ZMIZ1: variants seen among roughly 807,000 people sequenced by gnomAD.
The protein encoded by ZMIZ1 is zinc finger MIZ domain-containing protein 1.
A neutral mutation model predicts 113.9 loss-of-function variants in ZMIZ1; 17 were observed. The observed-to-expected ratio is 0.15, with a 90% CI of 0.10 to 0.22. The LOEUF (loss-of-function observed/expected upper bound fraction) is 0.22. Ranked by LOEUF, ZMIZ1 falls within the 10% of genes least tolerant of loss-of-function variation. The pLI, the probability that ZMIZ1 is intolerant of heterozygous loss-of-function variation, is 1.00. For missense variants in ZMIZ1, 1,059 were observed against 1,477.8 expected (o/e 0.72, Z 4.65); for synonymous variants, 607 against 603.1 (o/e 1.01, Z -0.09).
At chr10:79,269,195 T>A (rs780553500) in intron 7 of ZMIZ1, among the ~76,000 whole-genome samples, 48 of 152,138 alleles carry the variant, frequency 3.2e-4, no homozygotes, top group Non-Finnish European at 6.2e-4. Context: ...CCACTCTCAC[T>A]GCTGCTGCTA....
At chr10:79,310,822 G>C in intron 23 of ZMIZ1, 102 bp from the exon 24 acceptor site, 1 of 1,365,694 alleles carries the variant, frequency 7.3e-7, no homozygotes, top group Non-Finnish European at 9.9e-7. Context: ...CGTTTCGGGG[G>C]TTGTGACTTC....
chr10:79,281,123 C>T (rs1852714815), intron 8 of ZMIZ1, among the ~76,000 whole-genome samples: 1 of 152,212 alleles, frequency 6.6e-6, no homozygotes. Context: ...TTGTTCAGGT[C>T]ACAGAGTGCC....
chr10:79,187,534 C>T lies in ZMIZ1; in HGVS notation c.-49-14050C>T, dbSNP rs140815555. Among the ~76,000 whole-genome samples, 50 of 152,276 alleles carry T rather than the reference C, an allele frequency of 3.3e-4. No homozygotes were observed. The East Asian group carries it at 4.1e-3, about 12-fold the overall frequency. On this transcript the variant is annotated intron_variant, in intron 4 of 24. Transcript: ENST00000334512. ...ATGTATGCAAAGGGGCCTGGTGCAGCGAGTGGGCTCCCGGAAAGCTCAGCA... is the reference window on the plus strand; with the variant it reads ...ATGTATGCAAAGGGGCCTGGTGCAGTGAGTGGGCTCCCGGAAAGCTCAGCA...
chr10:79,249,433 G>T (rs967923067), intron 7 of ZMIZ1, among the ~76,000 whole-genome samples: 1 of 152,244 alleles, frequency 6.6e-6, no homozygotes, highest in East Asian at 1.9e-4. Flanking sequence ...TGAGGACATG[G>T]CGGCCCTGGT....
chr10:79,199,032 C>CAA lies in ZMIZ1; in HGVS notation c.-49-2540_-49-2539dup, dbSNP rs397794791. The stretch of plus-strand genomic sequence containing the variant: ...TGGGCAACAGAGCGAGACTCAGTCT[C>CAA]AAAAAAAAAAAAATTGGAAAAAGCT... On this transcript the variant is annotated intron_variant, in intron 4 of 24. Coordinates refer to ENST00000334512, the MANE Select transcript of ZMIZ1 (RefSeq NM_020338.4). Among the ~76,000 whole-genome samples, 685 of 144,574 alleles carry CAA rather than the reference C, an allele frequency of 4.7e-3. 3 individuals are homozygous for CAA. Among genetic ancestry groups the CAA allele is most frequent in the African/African-American group, 0.014 (540 of 39,338 alleles). The allele number at this position is 144,574 out of a possible 152,430, so 94.8% of individuals were successfully genotyped here. A position where few individuals can be genotyped will look rare whatever the true frequency, so the allele number is the denominator to read the frequency against.
intron 7 of ZMIZ1, among the ~76,000 whole-genome samples, chr10:79,261,033 G>C (rs546529025): frequency 3.9e-5 from 6 of 152,320 alleles, no homozygotes; most frequent in African/African-American, 1.4e-4. Flanking sequence ...CTTCAGGGCA[G>C]AGAGAGACTG....
chr10:79,306,293 C>T lies in ZMIZ1; in HGVS notation c.2617C>T (p.Pro873Ser), dbSNP rs1854688281. Reference protein sequence around the residue: ...AALGPGPSPYPLPPPPGGTNS... With the variant: ...AALGPGPSPYSLPPPPGGTNS... ...CCTGGGCCCCGGCCCGTCCCCCTATCCCCTCCCGCCTCCCCCAGGGGGCAC... is the reference window on the plus strand; with the variant it reads ...CCTGGGCCCCGGCCCGTCCCCCTATTCCCTCCCGCCTCCCCCAGGGGGCAC... The change falls in exon 22 of 25, where the codon CCC becomes TCC. Residue 873 changes from proline to serine, a missense_variant. Coordinates refer to ENST00000334512, the MANE Select transcript of ZMIZ1 (RefSeq NM_020338.4). The T allele has an allele frequency of 1.2e-6, 2 of 1,613,534 alleles. No individual in the cohort carries two copies. Among genetic ancestry groups the T allele is most frequent in the Non-Finnish European group, 1.7e-6 (2 of 1,180,006 alleles).
chr10:79,246,310 G>A (rs971277150), intron 7 of ZMIZ1, among the ~76,000 whole-genome samples: 12 of 152,252 alleles, frequency 7.9e-5, no homozygotes, highest in Admixed American at 2.0e-4. Context: ...GCCAGTAGGC[G>A]TCAGTCCCTG....
intron 5 of ZMIZ1, among the ~76,000 whole-genome samples, chr10:79,208,025 C>T (rs1848393902): frequency 6.7e-6 from 1 of 149,068 alleles, no homozygotes; most frequent in Admixed American, 6.7e-5. Context: ...TGCAATGGGG[C>T]TACTAATCCA....
In ZMIZ1 at chr10:79,099,121, C is replaced by T. The variant is rs1164009677; in HGVS notation, c.-336-19794C>T. Among the ~76,000 whole-genome samples, 6 of 152,268 alleles carry T rather than the reference C, an allele frequency of 3.9e-5. No individual in the cohort carries two copies. In the East Asian group the frequency reaches 7.7e-4, roughly 20 times the overall value. ...GCACCCCCTCCTCGACACCCACCCACCCTAGAGCACCACAGTGTCTGCAAA... is the reference window on the plus strand; with the variant it reads ...GCACCCCCTCCTCGACACCCACCCATCCTAGAGCACCACAGTGTCTGCAAA... On this transcript the variant is annotated intron_variant, in intron 1 of 24. Coordinates refer to ENST00000334512, the MANE Select transcript of ZMIZ1 (RefSeq NM_020338.4).
intron 1 of ZMIZ1, among the ~76,000 whole-genome samples, chr10:79,097,516 G>GC (rs1170862877): frequency 3.3e-5 from 5 of 152,218 alleles, no homozygotes; most frequent in Admixed American, 6.5e-5. Context: ...GTAGCAAGCT[G>GC]CCTGGAATGC....
chr10:79,240,080 C>T (rs1849752249), intron 7 of ZMIZ1, among the ~76,000 whole-genome samples: 1 of 152,248 alleles, frequency 6.6e-6, no homozygotes, highest in African/African-American at 2.4e-5. Flanking sequence ...GGAGTTCAAA[C>T]ACCCGCGAGA....
chr10:79,305,475 T>G lies in ZMIZ1; in HGVS notation c.2355-58T>G, dbSNP rs1044156259. ...CCACTGACACTGAGGTGGATGGGCT[T>G]TGCCCCTACCTCCTTGGGTCCTGGA... On this transcript the variant is annotated intron_variant, in intron 20 of 24. Transcript: ENST00000334512. 29 of 1,583,952 alleles carry G rather than the reference T, an allele frequency of 1.8e-5. 3 individuals carry two copies. In the South Asian group the frequency reaches 3.2e-4, roughly 18 times the overall value.
At chr10:79,198,467 G>C (rs1464643361) in intron 4 of ZMIZ1, among the ~76,000 whole-genome samples, 1 of 152,102 alleles carries the variant, frequency 6.6e-6, no homozygotes, top group African/African-American at 2.4e-5. Context: ...ATAGATAAAT[G>C]ATGGGTGGAG....
intron 7 of ZMIZ1, among the ~76,000 whole-genome samples, chr10:79,239,715 G>A (rs1469044154): frequency 6.6e-6 from 1 of 152,130 alleles, no homozygotes; most frequent in Admixed American, 6.5e-5. Flanking sequence ...TATACAGGAG[G>A]TGACCCAGCC....
At chr10:79,115,988 C>T (rs1372013989) in intron 1 of ZMIZ1, among the ~76,000 whole-genome samples, 1 of 152,182 alleles carries the variant, frequency 6.6e-6, no homozygotes, top group Non-Finnish European at 1.5e-5. Flanking sequence ...TATACTACGG[C>T]CATGGGTCTT....
Position 79,277,337 on chromosome 10 carries a change from G to A in ZMIZ1, c.425+12G>A. 1.3e-6 allele frequency: 2 copies of A among 1,588,438 alleles called. No individual in the cohort carries two copies. The highest frequency in any genetic ancestry group is 1.7e-6 in the Non-Finnish European group (2 of 1,167,992). ...ACTCTGTCGCACAGGTAAGTGGGTG[G>A]GTGCCATGGGTGCAGGTACTGAGCA... On this transcript the variant is annotated intron_variant, in intron 8 of 24. Coordinates refer to ENST00000334512, the MANE Select transcript of ZMIZ1 (RefSeq NM_020338.4).
chr10:79,225,821 G>A (rs778291428), intron 7 of ZMIZ1, among the ~76,000 whole-genome samples: 15 of 152,168 alleles, frequency 9.9e-5, no homozygotes, highest in Non-Finnish European at 2.2e-4. Flanking sequence ...GAGGCTCTGG[G>A]GCCTGGGGTA....
At position 79,315,511 on chromosome 10, in the gene ZMIZ1, C is replaced by T. The variant is rs1260647645; in HGVS notation, c.*2762C>T. On this transcript the variant is annotated 3_prime_UTR_variant, in exon 25 of 25. Transcript: ENST00000334512. ...GCCCACAGGCATGTTTCTGCCGCCA[C>T]TCCGCAAGATGGACAGGGAGCCAGC... The T allele has an allele frequency of 6.5e-6, 1 of 152,874 alleles. No homozygotes were observed. Among genetic ancestry groups the T allele is most frequent in the Non-Finnish European group, 1.5e-5 (1 of 68,092 alleles). The allele number at this position is 152,874 out of a possible 1,614,324, so 9.5% of individuals were successfully genotyped here.
Sources: gnomAD v4.1 joint callset for allele counts (sites outside exome capture counted in the v4.1 genomes callset) on GRCh38, gnomAD v4.1.1 for gene constraint, MANE v1.5 for transcripts, NCBI Gene and HGNC (gene_info 2026-07-23, HGNC 2026-07-21) for gene names.